The following SPON1 variants were observed in gnomAD, a reference collection of about 807,000 sequenced individuals.
SPON1 encodes the protein spondin 1.
Under a neutral mutation model 111.7 loss-of-function variants are expected in SPON1, and 52 were observed. The observed-to-expected ratio is 0.47, with a 90% CI of 0.37 to 0.59. SPON1 has a LOEUF of 0.59. Among genes scored for constraint, SPON1 ranks in the 20% least tolerant of loss-of-function variants. SPON1 has a pLI of 0.00. For missense variants in SPON1, 957 were observed against 1,068.5 expected (o/e 0.90, Z 1.46); for synonymous variants, 410 against 395.8 (o/e 1.04, Z -0.43).
intron 1 of SPON1, among the ~76,000 whole-genome samples, chr11:13,966,346 A>G (rs1256861976): frequency 6.6e-6 from 1 of 152,184 alleles, no homozygotes; most frequent in Non-Finnish European, 1.5e-5. Context: ...TCCCTTATAC[A>G]GGAGGACAAT....
intron 5 of SPON1, among the ~76,000 whole-genome samples, chr11:14,115,552 C>G (rs913411061): frequency 2.0e-5 from 3 of 152,078 alleles, no homozygotes; most frequent in Non-Finnish European, 2.9e-5. Flanking sequence ...ATATAGTTAA[C>G]TTTATAGTTG....
intron 2 of SPON1, among the ~76,000 whole-genome samples, chr11:14,040,047 A>G (rs1378481721): frequency 1.3e-5 from 2 of 152,244 alleles, no homozygotes; most frequent in Non-Finnish European, 2.9e-5. Flanking sequence ...GGAGGAAATT[A>G]GGAACACTAG....
intron 2 of SPON1, among the ~76,000 whole-genome samples, chr11:14,001,800 C>T (rs1227714005): frequency 6.6e-6 from 1 of 151,842 alleles, no homozygotes; most frequent in Non-Finnish European, 1.5e-5. Flanking sequence ...AGGAAAATTA[C>T]AAAAGATGTA....
At chr11:13,998,220 C>T (rs532208668) in intron 2 of SPON1, among the ~76,000 whole-genome samples, 7 of 152,262 alleles carry the variant, frequency 4.6e-5, no homozygotes, top group South Asian at 2.1e-4. Context: ...GAGCATTGAT[C>T]GATGGCACAG....
At chr11:14,264,697 G>C (rs1455782838) in intron 15 of SPON1, among the ~76,000 whole-genome samples, 3 of 152,196 alleles carry the variant, frequency 2.0e-5, no homozygotes, top group Admixed American at 6.5e-5. Context: ...CTTAGCTGTA[G>C]TGTGGTTAAC....
chr11:14,024,015 A>AG (rs1433025684), intron 2 of SPON1, among the ~76,000 whole-genome samples: 2 of 150,942 alleles, frequency 1.3e-5, no homozygotes, highest in African/African-American at 4.9e-5. Context: ...GAAAAAAAAA[A>AG]AAGACTGGAA....
rs563733880 is a variant in SPON1 at position 14,034,272 on chromosome 11, T to A, written c.346-7249T>A. Among the ~76,000 whole-genome samples the A allele has an allele frequency of 2.0e-4, 30 of 152,218 alleles. No individual in the cohort carries two copies. The South Asian group carries it at 6.0e-3, about 31-fold the overall frequency. ...TAATACTATTACTAGACACAACCAC[T>A]CCATTGTAATATGTTTTAATTTTCT... is the stretch of plus-strand genomic sequence containing the variant. On this transcript the variant is annotated intron_variant, in intron 2 of 15. Coordinates refer to ENST00000576479, the MANE Select transcript of SPON1 (RefSeq NM_006108.4).
intron 6 of SPON1, among the ~76,000 whole-genome samples, chr11:14,225,618 G>A (rs1283363322): frequency 6.6e-6 from 1 of 152,128 alleles, no homozygotes; most frequent in Non-Finnish European, 1.5e-5. Context: ...ACAGCTTCAG[G>A]CATGGATTAT....
chr11:14,024,973 A>G (rs1467656156), intron 2 of SPON1, among the ~76,000 whole-genome samples: 2 of 152,206 alleles, frequency 1.3e-5, no homozygotes, highest in Admixed American at 6.5e-5. Context: ...TCATTTTAGG[A>G]AACTGATCTC....
intron 6 of SPON1, among the ~76,000 whole-genome samples, chr11:14,234,458 T>C (rs1848840038): frequency 6.6e-6 from 1 of 152,316 alleles, no homozygotes; most frequent in South Asian, 2.1e-4. Context: ...TCACTGATTT[T>C]ACTCAGGGGA....
chr11:14,154,657 T>C (rs1315131739), intron 6 of SPON1, among the ~76,000 whole-genome samples: 41 of 152,222 alleles, frequency 2.7e-4, no homozygotes, highest in African/African-American at 9.6e-4. Flanking sequence ...AACATTTGGC[T>C]TCTCTTTACT....
intron 2 of SPON1, among the ~76,000 whole-genome samples, chr11:14,005,483 T>C (rs1446020539): frequency 6.6e-6 from 1 of 152,172 alleles, no homozygotes; most frequent in African/African-American, 2.4e-5. Flanking sequence ...TGATAATGAC[T>C]CCCATTCATG....
In SPON1 at chr11:14,259,466, G is replaced by A. The variant is rs888773997; in HGVS notation, c.1663+16G>A. ...GAGGAGTGCTGTGAGTGGGGGCCCC[G>A]GGCGGGCAGGCGGGCAAGTAGGTCG... On this transcript the variant is annotated intron_variant, in intron 12 of 15. Transcript: ENST00000576479. This position sits in a 1 kb window ranked among gnomAD's most constrained non-coding sequence, Gnocchi z 5.0. 2.7e-5 allele frequency: 43 copies of A among 1,599,594 alleles called. No individual in the cohort carries two copies. The highest frequency in any genetic ancestry group is 1.7e-4 in the Middle Eastern group (1 of 6,046).
chr11:13,972,915 T>C (rs896493012), intron 1 of SPON1, among the ~76,000 whole-genome samples: 1 of 152,156 alleles, frequency 6.6e-6, no homozygotes, highest in African/African-American at 2.4e-5. Flanking sequence ...TAAATGGGTC[T>C]AGTGACTCAA....
chr11:13,976,040 A>G (rs1848100971), intron 1 of SPON1, among the ~76,000 whole-genome samples: 1 of 152,196 alleles, frequency 6.6e-6, no homozygotes, highest in African/African-American at 2.4e-5. Flanking sequence ...ATAAATATTT[A>G]TTTAACTCTA....
At chr11:14,223,750 C>T (rs1220479848) in intron 6 of SPON1, among the ~76,000 whole-genome samples, 1 of 152,186 alleles carries the variant, frequency 6.6e-6, no homozygotes, top group African/African-American at 2.4e-5. Context: ...TTTCTCCCTC[C>T]TACCTTCTGT....
At chr11:14,247,517 G>C (rs979843922) in intron 7 of SPON1, among the ~76,000 whole-genome samples, 9 of 152,220 alleles carry the variant, frequency 5.9e-5, no homozygotes, top group Admixed American at 2.6e-4. Context: ...AGATGCGGGA[G>C]CCCAGTGAGG....
intron 5 of SPON1, among the ~76,000 whole-genome samples, chr11:14,082,155 A>G (rs1440904034): frequency 6.6e-6 from 1 of 151,054 alleles, no homozygotes; most frequent in Non-Finnish European, 1.5e-5. Context: ...CTATTCTGCC[A>G]CTGTCATTTC....
intron 2 of SPON1, among the ~76,000 whole-genome samples, chr11:13,990,766 G>T (rs1175354459): frequency 6.6e-6 from 1 of 152,080 alleles, no homozygotes; most frequent in African/African-American, 2.4e-5. Context: ...AGGCATGCCT[G>T]TTGGTGACAA....
Sources: allele counts gnomAD v4.1 joint callset (sites outside exome capture counted in the v4.1 genomes callset), GRCh38; gene constraint gnomAD v4.1.1; non-coding constraint Gnocchi (gnomAD v3.1); transcripts MANE v1.5; gene names NCBI Gene and HGNC (gene_info 2026-07-23, HGNC 2026-07-21).